SNORD118: variants seen among roughly 807,000 people sequenced by gnomAD.
The protein encoded by SNORD118 is small nucleolar RNA, C/D box 118.
In SNORD118 at chr17:8,173,507, T is replaced by C. The variant is rs779456932; in HGVS notation, n.81A>G. 4.4e-5 allele frequency: 34 copies of C among 765,196 alleles called. No homozygotes were observed. Among genetic ancestry groups the C allele is most frequent in the East Asian group, 9.7e-5 (4 of 41,254 alleles). The allele number at this position is 765,196 out of a possible 1,614,324, so 47.4% of individuals were successfully genotyped here. The stretch of plus-strand genomic sequence containing the variant: ...AGTCCTGATTACGCAGAGACGTTAA[T>C]CACGTTTCATGCATCTCCAATCATC... On this transcript the variant is annotated non_coding_transcript_exon_variant, in exon 1 of 1. Transcript: ENST00000363593.
At chr17:8,173,522 C>CA (rs754572990) in exon 1 of SNORD118, 8 of 765,392 alleles carry the variant, frequency 1.0e-5, no homozygotes, top group Admixed American at 1.7e-5. Flanking sequence ...TTTCATGCAT[C>CA]TCCAATCATC....
chr17:8,173,472 G>T (rs190182110), exon 1 of SNORD118: 3 of 764,520 alleles, frequency 3.9e-6, no homozygotes, highest in South Asian at 2.7e-5. Flanking sequence ...GGAGCAATCA[G>T]GGTGTTGCAA....
In SNORD118 at chr17:8,173,540, A is replaced by G. The variant is rs550983276; in HGVS notation, n.48T>C. The G allele has an allele frequency of 5.2e-5, 40 of 764,834 alleles. No homozygotes were observed. Among genetic ancestry groups the G allele is most frequent in the African/African-American group, 5.1e-4 (30 of 59,080 alleles). The allele number at this position is 764,834 out of a possible 1,614,324, so 47.4% of individuals were successfully genotyped here. A position where few individuals can be genotyped will look rare whatever the true frequency, so the allele number is the denominator to read the frequency against. On this transcript the variant is annotated non_coding_transcript_exon_variant, in exon 1 of 1. Transcript: ENST00000363593. ...CATGCATCTCCAATCATCATGTTCTAATCTGCCCTCCGGAGGAGGAACAGG... is the reference window on the plus strand; with the variant it reads ...CATGCATCTCCAATCATCATGTTCTGATCTGCCCTCCGGAGGAGGAACAGG...
In SNORD118 at chr17:8,173,552, G is replaced by C. The variant is rs78363053; in HGVS notation, n.36C>G. On this transcript the variant is annotated non_coding_transcript_exon_variant, in exon 1 of 1. Transcript: ENST00000363593. ...ATCATCATGTTCTAATCTGCCCTCCGGAGGAGGAACAGGTAAGGATTATCC... is the reference window on the plus strand; with the variant it reads ...ATCATCATGTTCTAATCTGCCCTCCCGAGGAGGAACAGGTAAGGATTATCC... 4.4e-4 allele frequency: 333 copies of C among 765,200 alleles called. 1 individual carries two copies. The highest frequency in any genetic ancestry group is 5.9e-4 in the South Asian group (44 of 74,608). The allele number at this position is 765,200 out of a possible 1,614,324, so 47.4% of individuals were successfully genotyped here.
exon 1 of SNORD118, chr17:8,173,468 A>G (rs374956426): frequency 7.8e-6 from 6 of 764,456 alleles, no homozygotes; most frequent in African/African-American, 1.7e-5. Flanking sequence ...GACAGGAGCA[A>G]TCAGGGTGTT....
chr17:8,173,571 A>C (rs1476705853), exon 1 of SNORD118: 2 of 764,986 alleles, frequency 2.6e-6, no homozygotes, highest in Non-Finnish European at 2.4e-6. Flanking sequence ...ACAGGTAAGG[A>C]TTATCCCACC....
At chr17:8,173,454 A>C (rs760097702) in exon 1 of SNORD118, 2 of 763,432 alleles carry the variant, frequency 2.6e-6, no homozygotes, top group Non-Finnish European at 2.4e-6. Context: ...GTCAGAAAGA[A>C]TCAGACAGGA....
At chr17:8,173,519 C>G (rs186410337) in exon 1 of SNORD118, 1 of 765,372 alleles carries the variant, frequency 1.3e-6, no homozygotes, top group African/African-American at 1.7e-5. Context: ...ACGTTTCATG[C>G]ATCTCCAATC....
chr17:8,173,463 G>C (rs144429028), exon 1 of SNORD118: 18 of 764,046 alleles, frequency 2.4e-5, no homozygotes, highest in African/African-American at 5.1e-5. Flanking sequence ...AATCAGACAG[G>C]AGCAATCAGG....
upstream of SNORD118, chr17:8,173,588 TA>T (rs1567551439): frequency 5.2e-6 from 4 of 763,744 alleles, no homozygotes; most frequent in Non-Finnish European, 9.6e-6. Context: ...CACCTGACGA[TA>T]CAGACAAACA....
Position 8,173,587 on chromosome 17 carries a change from A to G in SNORD118, n.1T>C, listed in dbSNP as rs368446612. 2.0e-5 allele frequency: 15 copies of G among 763,724 alleles called. No homozygotes were observed. Among genetic ancestry groups the G allele is most frequent in the Non-Finnish European group, 2.9e-5 (12 of 417,008 alleles). 47.3% of individuals were successfully genotyped at this position (763,724 alleles called of 1,614,324 possible). ...CAGGTAAGGATTATCCCACCTGACG[A>G]TACAGACAAACAGCCGACATTCTGC... On this transcript the variant is annotated non_coding_transcript_exon_variant, in exon 1 of 1. Coordinates refer to ENST00000363593, the Ensembl canonical transcript of SNORD118.
exon 1 of SNORD118, chr17:8,173,467 A>G (rs919944133): frequency 2.0e-5 from 15 of 764,404 alleles, no homozygotes; most frequent in Non-Finnish European, 3.6e-5. Context: ...AGACAGGAGC[A>G]ATCAGGGTGT....
exon 1 of SNORD118, chr17:8,173,488 G>C (rs150885627): frequency 2.5e-5 from 19 of 764,950 alleles, no homozygotes; most frequent in Admixed American, 3.4e-5. Flanking sequence ...TGCAAGTCCT[G>C]ATTACGCAGA....
chr17:8,173,517 T>C lies in SNORD118; in HGVS notation n.71A>G, dbSNP rs201558321. ...ACGCAGAGACGTTAATCACGTTTCA[T>C]GCATCTCCAATCATCATGTTCTAAT... On this transcript the variant is annotated non_coding_transcript_exon_variant, in exon 1 of 1. Coordinates refer to ENST00000363593, the Ensembl canonical transcript of SNORD118. 8.6e-5 allele frequency: 66 copies of C among 765,396 alleles called. No homozygotes were observed. Among genetic ancestry groups the C allele is most frequent in the South Asian group, 1.5e-4 (11 of 74,608 alleles). The allele number at this position is 765,396 out of a possible 1,614,324, so 47.4% of individuals were successfully genotyped here.
chr17:8,173,518 G>C (rs139357518), exon 1 of SNORD118: 7 of 765,268 alleles, frequency 9.1e-6, no homozygotes, highest in Non-Finnish European at 1.4e-5. Flanking sequence ...CACGTTTCAT[G>C]CATCTCCAAT....
chr17:8,173,576 C>G (rs373542197), exon 1 of SNORD118: 29 of 764,794 alleles, frequency 3.8e-5, no homozygotes, highest in Non-Finnish European at 6.2e-5. Flanking sequence ...TAAGGATTAT[C>G]CCACCTGACG....
exon 1 of SNORD118, chr17:8,173,464 A>G (rs761048618): frequency 1.2e-5 from 9 of 764,328 alleles, no homozygotes; most frequent in Non-Finnish European, 1.9e-5. Flanking sequence ...ATCAGACAGG[A>G]GCAATCAGGG....
At chr17:8,173,554 A>T (rs142684790) in exon 1 of SNORD118, 2 of 765,242 alleles carry the variant, frequency 2.6e-6, no homozygotes, top group East Asian at 2.4e-5. Context: ...TGCCCTCCGG[A>T]GGAGGAACAG....
chr17:8,173,585 C>T lies in SNORD118; in HGVS notation n.3G>A, dbSNP rs199964184. 1,373 of 763,918 alleles carry T rather than the reference C, an allele frequency of 1.8e-3. 2 individuals carry two copies. The highest frequency in any genetic ancestry group is 3.6e-3 in the Middle Eastern group (16 of 4,434). The allele number at this position is 763,918 out of a possible 1,614,324, so 47.3% of individuals were successfully genotyped here. A position where few individuals can be genotyped will look rare whatever the true frequency, so the allele number is the denominator to read the frequency against. On this transcript the variant is annotated non_coding_transcript_exon_variant, in exon 1 of 1. Transcript: ENST00000363593. ...AACAGGTAAGGATTATCCCACCTGA[C>T]GATACAGACAAACAGCCGACATTCT...
Sources: gnomAD v4.1 joint callset for allele counts on GRCh38, gnomAD v4.1.1 for gene constraint, MANE v1.5 for transcripts, NCBI Gene and HGNC (gene_info 2026-07-23, HGNC 2026-07-21) for gene names.